Variants in ADGRB3 observed in about 807,000 individuals in gnomAD.
The protein encoded by ADGRB3 is brain-specific angiogenesis inhibitor 3.
ADGRB3 carries 37 observed loss-of-function variants against 193.4 expected under a neutral mutation model. That is an observed-to-expected ratio of 0.19 (90% CI 0.15 to 0.25). The LOEUF is 0.25. ADGRB3 is among the 10% of genes least tolerant of loss of function. ADGRB3 has a pLI of 1.00. For missense variants in ADGRB3, 1,637 were observed against 1,852.9 expected (o/e 0.88, Z 2.14); for synonymous variants, 690 against 644.2 (o/e 1.07, Z -1.08).
chr6:69,006,272 C>T (rs1221018233), intron 11 of ADGRB3, among the ~76,000 whole-genome samples: 3 of 151,868 alleles, frequency 2.0e-5, no homozygotes, highest in Admixed American at 2.0e-4. Context: ...TGGATGTATT[C>T]ATGGTTTTAT....
intron 20 of ADGRB3, among the ~76,000 whole-genome samples, chr6:69,297,574 A>T (rs138518278): frequency 3.7e-4 from 57 of 152,064 alleles, no homozygotes; most frequent in African/African-American, 1.2e-3. Context: ...GGGAGGAGGA[A>T]TATTGGTTGT....
intron 17 of ADGRB3, among the ~76,000 whole-genome samples, chr6:69,171,838 A>G (rs1775278792): frequency 6.6e-6 from 1 of 152,168 alleles, no homozygotes; most frequent in East Asian, 1.9e-4. Flanking sequence ...GCTACCCAAT[A>G]TCAATTTTTT....
intron 11 of ADGRB3, among the ~76,000 whole-genome samples, chr6:69,002,454 T>C (rs749157910): frequency 6.6e-6 from 1 of 152,114 alleles, no homozygotes; most frequent in Admixed American, 6.5e-5. Flanking sequence ...CCTGACCTCA[T>C]GATCCACCCA....
intron 3 of ADGRB3, among the ~76,000 whole-genome samples, chr6:68,705,584 C>T (rs748211114): frequency 1.3e-5 from 2 of 152,150 alleles, no homozygotes; most frequent in Non-Finnish European, 2.9e-5. Context: ...CCTTCAGAAC[C>T]AGATGGACAT....
At chr6:68,849,813 A>G (rs1768360619) in intron 3 of ADGRB3, among the ~76,000 whole-genome samples, 1 of 151,980 alleles carries the variant, frequency 6.6e-6, no homozygotes, top group African/African-American at 2.4e-5. Flanking sequence ...ACCATAGTAT[A>G]GAAGTTTTTT....
At chr6:69,209,581 A>G (rs1272683436) in intron 17 of ADGRB3, among the ~76,000 whole-genome samples, 2 of 152,244 alleles carry the variant, frequency 1.3e-5, no homozygotes, top group African/African-American at 2.4e-5. Flanking sequence ...GCAAAAAGCA[A>G]TTGCAGTCTC....
intron 17 of ADGRB3, among the ~76,000 whole-genome samples, chr6:69,188,180 T>G (rs1765107484): frequency 6.6e-6 from 1 of 152,186 alleles, no homozygotes; most frequent in Non-Finnish European, 1.5e-5. Flanking sequence ...CCAATAAAAC[T>G]AAAAGGTTAA....
At chr6:69,052,810 A>T (rs1031076503) in intron 15 of ADGRB3, among the ~76,000 whole-genome samples, 9 of 152,244 alleles carry the variant, frequency 5.9e-5, no homozygotes, top group Admixed American at 4.6e-4. Flanking sequence ...TGAAGGAAAT[A>T]TGCTTCAGAT....
intron 3 of ADGRB3, among the ~76,000 whole-genome samples, chr6:68,892,546 A>G (rs562493988): frequency 1.3e-5 from 2 of 152,170 alleles, no homozygotes; most frequent in African/African-American, 4.8e-5. Context: ...CATAATTTCT[A>G]TTTATTTATT....
chr6:69,369,871 T>C (rs893852627), intron 29 of ADGRB3, among the ~76,000 whole-genome samples: 8 of 152,120 alleles, frequency 5.3e-5, no homozygotes, highest in Non-Finnish European at 7.4e-5. Flanking sequence ...AGGTTTTTTT[T>C]CTCCTTCAAA....
intron 21 of ADGRB3, among the ~76,000 whole-genome samples, chr6:69,326,205 G>A (rs1029441814): frequency 2.6e-5 from 4 of 152,062 alleles, no homozygotes; most frequent in Non-Finnish European, 5.9e-5. Context: ...ATCACACCAC[G>A]ACACTCCAAC....
At chr6:69,381,232 T>C (rs1769940225) in intron 30 of ADGRB3, among the ~76,000 whole-genome samples, 1 of 151,976 alleles carries the variant, frequency 6.6e-6, no homozygotes, top group African/African-American at 2.4e-5. Context: ...AGTCAAATTA[T>C]GTTTGCCTGG....
In ADGRB3 at chr6:69,328,691, T is replaced by C. The variant is rs1348044448; in HGVS notation, c.3035+802T>C. Among the ~76,000 whole-genome samples the C allele has an allele frequency of 4.6e-5, 7 of 152,142 alleles. No individual in the cohort carries two copies. In the East Asian group the frequency reaches 1.3e-3, roughly 29 times the overall value. ...CAAATTGTAAACATACTGAGAGATA[T>C]TATTTCACCTGTTTATCCTAAAGAA... On this transcript the variant is annotated intron_variant, in intron 22 of 31. Transcript: ENST00000370598.
At position 69,302,696 on chromosome 6, in the gene ADGRB3, C is replaced by A. The variant is rs567864622; in HGVS notation, c.2815-22176C>A. On this transcript the variant is annotated intron_variant, in intron 20 of 31. Transcript: ENST00000370598. ...GGATTGTCGACTTTATGAAAGAGAA[C>A]CCTGTAGAGAGAACATCGTGAAAGT... Among the ~76,000 whole-genome samples, 61 of 152,018 alleles carry A rather than the reference C, an allele frequency of 4.0e-4. 1 individual carries two copies. Among genetic ancestry groups the A allele is most frequent in the African/African-American group, 1.4e-3 (59 of 41,526 alleles).
chr6:69,037,266 A>G (rs572972648), intron 13 of ADGRB3, among the ~76,000 whole-genome samples: 4 of 152,318 alleles, frequency 2.6e-5, no homozygotes, highest in African/African-American at 9.6e-5. Flanking sequence ...TCTAATTAGT[A>G]AACGTTTGTT....
Position 69,312,891 on chromosome 6 carries a change from C to T in ADGRB3, c.2815-11981C>T, listed in dbSNP as rs187621761. ...CCTAAGTCTAGATAAATTACTGTAA[C>T]GGGTTGAGAATATGTATGAATTGTT... On this transcript the variant is annotated intron_variant, in intron 20 of 31. Coordinates refer to ENST00000370598, the MANE Select transcript of ADGRB3 (RefSeq NM_001704.3). 2.0e-3 allele frequency among the ~76,000 whole-genome samples: 300 copies of T among 151,736 alleles called. 1 individual carries two copies. The highest frequency in any genetic ancestry group is 3.4e-3 in the Middle Eastern group (1 of 294).
At chr6:68,676,262 C>T (rs1769083063) in intron 3 of ADGRB3, among the ~76,000 whole-genome samples, 2 of 151,776 alleles carry the variant, frequency 1.3e-5, no homozygotes, top group East Asian at 2.0e-4. Context: ...CGTGGTGGCG[C>T]GTGCCTGTAA....
chr6:68,889,034 T>G (rs985821550), intron 3 of ADGRB3, among the ~76,000 whole-genome samples: 1 of 152,198 alleles, frequency 6.6e-6, no homozygotes, highest in Non-Finnish European at 1.5e-5. Flanking sequence ...TTGTGTTTTG[T>G]CATGTTAGAA....
At chr6:68,784,210 A>T (rs1475494300) in intron 3 of ADGRB3, among the ~76,000 whole-genome samples, 1 of 152,142 alleles carries the variant, frequency 6.6e-6, no homozygotes, top group Admixed American at 6.6e-5. Context: ...ATGAGAAAAG[A>T]GAGCAGTAGA....
Sources: gnomAD v4.1 joint callset for allele counts (sites outside exome capture counted in the v4.1 genomes callset) on GRCh38, gnomAD v4.1.1 for gene constraint, MANE v1.5 for transcripts, NCBI Gene and HGNC (gene_info 2026-07-23, HGNC 2026-07-21) for gene names.